NCAPD3: variants seen among roughly 807,000 people sequenced by gnomAD.
NCAPD3 encodes the protein non-SMC condensin II complex subunit D3, also known as condensin-2 complex subunit D3.
A neutral mutation model predicts 182.9 loss-of-function variants in NCAPD3; 105 were observed. The observed-to-expected ratio is 0.57, with a 90% CI of 0.49 to 0.68. The LOEUF (loss-of-function observed/expected upper bound fraction) is 0.68. Among genes scored for constraint, NCAPD3 ranks in the 30% least tolerant of loss-of-function variants. The probability of loss-of-function intolerance (pLI) is 0.00; values close to 1 mark genes in which losing one functional copy is unlikely to be tolerated. For missense variants in NCAPD3, 1,944 were observed against 1,837.0 expected (o/e 1.06, Z -1.07); for synonymous variants, 815 against 679.9 (o/e 1.20, Z -3.09).
In NCAPD3 at chr11:134,151,799, C is replaced by A. The variant is rs147795159; in HGVS notation, c.*1145G>T. The A allele has an allele frequency of 8.5e-5, 13 of 152,202 alleles. No individual in the cohort carries two copies. The highest frequency in any genetic ancestry group is 3.1e-4 in the African/African-American group (13 of 41,452). 9.4% of individuals were successfully genotyped at this position (152,202 alleles called of 1,614,324 possible). A position where few individuals can be genotyped will look rare whatever the true frequency, so the allele number is the denominator to read the frequency against. ...ATTTGCTCTTACGTTGGGTTTGTCTCTTCTTCCTAGCATTTCAGTGGTTAG... is the reference window on the plus strand; with the variant it reads ...ATTTGCTCTTACGTTGGGTTTGTCTATTCTTCCTAGCATTTCAGTGGTTAG... On this transcript the variant is annotated 3_prime_UTR_variant, in exon 35 of 35. Coordinates refer to ENST00000534548, the MANE Select transcript of NCAPD3 (RefSeq NM_015261.3).
At position 134,202,853 on chromosome 11, in the gene NCAPD3, G is replaced by A. The variant is rs1016675995; in HGVS notation, c.1578C>T (p.Ile526=). The change falls in exon 13 of 35, where the codon ATC becomes ATT. Residue 526 remains isoleucine (I), a synonymous_variant. Coordinates refer to ENST00000534548, the MANE Select transcript of NCAPD3 (RefSeq NM_015261.3). ...TSNRSEPSGE[I]NIDSSGETVG... is the part of the protein sequence containing the mutation. ...CTGTTTCACCACTGCTGTCTATGTT[G>A]ATCTCCCCTGAGGGTTCGGAACGGT... 2 of 1,608,792 alleles carry A rather than the reference G, an allele frequency of 1.2e-6. No individual in the cohort carries two copies. Among genetic ancestry groups the A allele is most frequent in the Admixed American group, 1.7e-5 (1 of 58,532 alleles).
intron 32 of NCAPD3, among the ~76,000 whole-genome samples, chr11:134,155,819 G>A (rs1299947090): frequency 6.8e-6 from 1 of 147,300 alleles, no homozygotes; most frequent in African/African-American, 2.5e-5. Context: ...ATTACCCACT[G>A]CCTTTAATGA....
At chr11:134,219,852 A>G (rs1459965545) in intron 2 of NCAPD3, among the ~76,000 whole-genome samples, 1 of 152,088 alleles carries the variant, frequency 6.6e-6, no homozygotes, top group African/African-American at 2.4e-5. Context: ...GCTGGAGTGC[A>G]GTGGCGTGAT....
Position 134,223,952 on chromosome 11 carries a change from G to T in NCAPD3, c.-26C>A. The T allele has an allele frequency of 6.2e-7, 1 of 1,608,394 alleles. No individual in the cohort carries two copies. Among genetic ancestry groups the T allele is most frequent in the Non-Finnish European group, 8.5e-7 (1 of 1,178,382 alleles). ...GATCCCAGGGCACCGGCTCGCCGCC[G>T]CCGTGCTCAACTTTCAAAGCTCGCT... On this transcript the variant is annotated 5_prime_UTR_variant, in exon 1 of 35. Transcript: ENST00000534548.
At position 134,151,941 on chromosome 11, in the gene NCAPD3, G is replaced by A. The variant is rs1032430199; in HGVS notation, c.*1003C>T. The A allele has an allele frequency of 1.3e-5, 2 of 152,170 alleles. No individual in the cohort carries two copies. Among genetic ancestry groups the A allele is most frequent in the African/African-American group, 4.8e-5 (2 of 41,440 alleles). 9.4% of individuals were successfully genotyped at this position (152,170 alleles called of 1,614,324 possible). ...CGCCTCTCCGCCACCGAGCCCACCT[G>A]TGTTGCGGTTCCCACTTGGGATGGC... is the stretch of plus-strand genomic sequence containing the variant. On this transcript the variant is annotated 3_prime_UTR_variant, in exon 35 of 35. Coordinates refer to ENST00000534548, the MANE Select transcript of NCAPD3 (RefSeq NM_015261.3).
chr11:134,216,744 A>G (rs1300992402), intron 3 of NCAPD3, among the ~76,000 whole-genome samples, 192 bp downstream of exon 3: 1 of 152,200 alleles, frequency 6.6e-6, no homozygotes, highest in Non-Finnish European at 1.5e-5. Flanking sequence ...ATGAAAAAAA[A>G]AAGGGGGAAG....
At chr11:134,167,292 CT>C (rs1409846035) in intron 27 of NCAPD3, among the ~76,000 whole-genome samples, 1 of 124,466 alleles carries the variant, frequency 8.0e-6, no homozygotes, top group Non-Finnish European at 1.6e-5. Context: ...GTGAGATGAG[CT>C]TGGGGGAGCA....
In NCAPD3 at chr11:134,202,920, T is replaced by C; in HGVS notation, c.1526-15A>G. 3.8e-6 allele frequency: 6 copies of C among 1,559,620 alleles called. No homozygotes were observed. Among genetic ancestry groups the C allele is most frequent in the South Asian group, 1.2e-5 (1 of 86,122 alleles). Reference sequence around the variant, plus strand: ...GTAGGAAAAAGCTTTAAAAAAAAAATTACAGTCATTAAGCTAAAAATGTGT... The same window carrying C: ...GTAGGAAAAAGCTTTAAAAAAAAAACTACAGTCATTAAGCTAAAAATGTGT... On this transcript the variant is annotated splice_polypyrimidine_tract_variant and intron_variant, in intron 12 of 34. Coordinates refer to ENST00000534548, the MANE Select transcript of NCAPD3 (RefSeq NM_015261.3).
intron 16 of NCAPD3, among the ~76,000 whole-genome samples, chr11:134,192,349 G>A (rs1314796840): frequency 6.6e-6 from 1 of 152,150 alleles, no homozygotes; most frequent in East Asian, 1.9e-4. Context: ...ACTTGCAGGA[G>A]CTAGGAAGTC....
At position 134,159,686 on chromosome 11, in the gene NCAPD3, G is replaced by A. The variant is rs372478050; in HGVS notation, c.3867+206C>T. Among the ~76,000 whole-genome samples the A allele has an allele frequency of 1.0e-3, 152 of 152,314 alleles. 6 individuals carry two copies. The South Asian group carries it at 0.015, about 15-fold the overall frequency. The stretch of plus-strand genomic sequence containing the variant: ...GCTGCCAGCTCGCTTCCTGCACCAC[G>A]TCCTCATGGAAGGGAGGTCTGGAGC... On this transcript the variant is annotated intron_variant, in intron 29 of 34. Transcript: ENST00000534548.
intron 19 of NCAPD3, 22 bp downstream of exon 19, chr11:134,184,615 G>A: frequency 6.6e-7 from 1 of 1,517,396 alleles, no homozygotes; most frequent in Non-Finnish European, 9.0e-7. Context: ...TCAGAAACAT[G>A]TCAGGGAAAG....
chr11:134,160,273 A>G (rs1350153348), intron 28 of NCAPD3, among the ~76,000 whole-genome samples, 199 bp from the exon 29 acceptor site: 1 of 152,180 alleles, frequency 6.6e-6, no homozygotes, highest in African/African-American at 2.4e-5. Context: ...TAGGACTGAC[A>G]TTACTGAAAG....
chr11:134,206,766 G>A, intron 7 of NCAPD3, 34 bp from the exon 8 acceptor site: 5 of 1,592,090 alleles, frequency 3.1e-6, no homozygotes, highest in Non-Finnish European at 4.3e-6. Context: ...TTTAAGATCG[G>A]ATGGAGAACA....
At chr11:134,161,956 T>C (rs1943594745) in intron 27 of NCAPD3, 65 bp from the exon 28 acceptor site, 4 of 845,444 alleles carry the variant, frequency 4.7e-6, no homozygotes, top group Non-Finnish European at 7.3e-6. Flanking sequence ...CTCTCCTTGA[T>C]CTAGTTCTTT....
intron 32 of NCAPD3, chr11:134,153,688 A>G (rs1943331262): frequency 5.2e-6 from 2 of 383,288 alleles, no homozygotes; most frequent in Admixed American, 7.8e-5. Context: ...CCCACTTACT[A>G]CACCTCCTAC....
At chr11:134,179,927 T>G (rs994699663) in intron 20 of NCAPD3, among the ~76,000 whole-genome samples, 1 of 152,036 alleles carries the variant, frequency 6.6e-6, no homozygotes. Flanking sequence ...TAAGTTCTAT[T>G]TAAAGAAGCA....
intron 13 of NCAPD3, among the ~76,000 whole-genome samples, chr11:134,197,519 CA>C (rs1944660479): frequency 6.6e-6 from 1 of 152,132 alleles, no homozygotes; most frequent in Non-Finnish European, 1.5e-5. Context: ...TCAAGTAATC[CA>C]TCCGCCTTGG....
upstream of NCAPD3, chr11:134,225,000 G>A (rs1210958441): frequency 8.1e-6 from 7 of 867,568 alleles, no homozygotes; most frequent in South Asian, 3.5e-5. Flanking sequence ...GGCGGAGCCA[G>A]GCAGCCCCGC....
chr11:134,191,818 T>C (rs1181381405), intron 16 of NCAPD3, among the ~76,000 whole-genome samples: 2 of 152,236 alleles, frequency 1.3e-5, no homozygotes, highest in African/African-American at 4.8e-5. Flanking sequence ...CTTAATGAGA[T>C]ATCTTGGGGA....
Sources: allele counts gnomAD v4.1 joint callset (sites outside exome capture counted in the v4.1 genomes callset), GRCh38; gene constraint gnomAD v4.1.1; transcripts MANE v1.5; gene names NCBI Gene and HGNC (gene_info 2026-07-23, HGNC 2026-07-21).